SLC25A16: variants seen among roughly 807,000 people sequenced by gnomAD.
SLC25A16 encodes solute carrier family 25 member 16.
A neutral mutation model predicts 41.5 loss-of-function variants in SLC25A16; 39 were observed. The observed-to-expected ratio is 0.94, with a 90% CI of 0.73 to 1.23. SLC25A16 has a LOEUF of 1.23. Ranked by LOEUF, SLC25A16 falls within the 50% of genes most tolerant of loss-of-function variation. The probability of loss-of-function intolerance (pLI) is 0.00; values close to 1 mark genes in which losing one functional copy is unlikely to be tolerated. For synonymous variants in SLC25A16, 146 were observed against 147.8 expected (o/e 0.99, Z 0.09); for missense variants, 421 against 426.9 (o/e 0.99, Z 0.12).
intron 2 of SLC25A16, among the ~76,000 whole-genome samples, chr10:68,513,777 C>G (rs569631298): frequency 1.3e-5 from 2 of 152,194 alleles, no homozygotes; most frequent in African/African-American, 4.8e-5. Flanking sequence ...GTAATCCCAG[C>G]TAGTCAGGAG....
intron 1 of SLC25A16, among the ~76,000 whole-genome samples, chr10:68,526,910 G>C (rs2053346636): frequency 6.6e-6 from 1 of 152,110 alleles, no homozygotes; most frequent in South Asian, 2.1e-4. Flanking sequence ...TTTTATAAAA[G>C]AAAGGAGTGC....
At chr10:68,491,120 C>T (rs779752493) in intron 6 of SLC25A16, among the ~76,000 whole-genome samples, 11 of 152,072 alleles carry the variant, frequency 7.2e-5, no homozygotes, top group Non-Finnish European at 1.3e-4. Context: ...CTCAAGTAAT[C>T]CTCCTGCCTC....
chr10:68,516,138 A>T (rs566210807), intron 2 of SLC25A16, among the ~76,000 whole-genome samples: 30 of 152,328 alleles, frequency 2.0e-4, no homozygotes, highest in Non-Finnish European at 3.8e-4. Context: ...AGTTTAATTT[A>T]CTTAGCAAGG....
In SLC25A16 at chr10:68,488,451, T is replaced by C. The variant is rs201642934; in HGVS notation, c.773+16A>G. 90 of 1,466,156 alleles carry C rather than the reference T, an allele frequency of 6.1e-5. No homozygotes were observed. Among genetic ancestry groups the C allele is most frequent in the Admixed American group, 2.4e-4 (9 of 38,226 alleles). The allele number at this position is 1,466,156 out of a possible 1,614,324, so 90.8% of individuals were successfully genotyped here. ...TAACTATAATTTGATTAAATTAAGT[T>C]AGTGAAGAAACTTACGATATTGTCT... On this transcript the variant is annotated intron_variant, in intron 7 of 8. Transcript: ENST00000609923.
rs527756746 is a variant in SLC25A16 at position 68,507,978 on chromosome 10, C to T, written c.224-1260G>A. 2.0e-5 allele frequency among the ~76,000 whole-genome samples: 3 copies of T among 152,272 alleles called. No homozygotes were observed. In the South Asian group the frequency reaches 6.2e-4, roughly 32 times the overall value. ...TTGCGTGGTGGCTCATGCCTGTAATCCCAGCACTTTGGGAGGACAAGGCAG... is the reference window on the plus strand; with the variant it reads ...TTGCGTGGTGGCTCATGCCTGTAATTCCAGCACTTTGGGAGGACAAGGCAG... On this transcript the variant is annotated intron_variant, in intron 2 of 8. Transcript: ENST00000609923.
chr10:68,497,619 T>A (rs1373733154), intron 4 of SLC25A16, among the ~76,000 whole-genome samples: 5 of 150,330 alleles, frequency 3.3e-5, no homozygotes, highest in Non-Finnish European at 3.0e-5. Context: ...TTTTTTTTTT[T>A]AATTTTTTTT....
chr10:68,485,094 T>C (rs2052536305), intron 8 of SLC25A16, among the ~76,000 whole-genome samples: 2 of 152,180 alleles, frequency 1.3e-5, no homozygotes, highest in Admixed American at 1.3e-4. Context: ...TTTTTTCTTC[T>C]TTTTCTTTTC....
At chr10:68,484,023 T>C (rs559395858) in intron 8 of SLC25A16, among the ~76,000 whole-genome samples, 4 of 152,242 alleles carry the variant, frequency 2.6e-5, no homozygotes, top group Non-Finnish European at 4.4e-5. Flanking sequence ...GAAAGACAAA[T>C]GTTTTAACAA....
rs920785927 is a variant in SLC25A16 at position 68,478,397 on chromosome 10, A to T, written c.*5035T>A. 4 of 152,222 alleles carry T rather than the reference A, an allele frequency of 2.6e-5. No individual in the cohort carries two copies. Among genetic ancestry groups the T allele is most frequent in the Non-Finnish European group, 5.9e-5 (4 of 68,040 alleles). 9.4% of individuals were successfully genotyped at this position (152,222 alleles called of 1,614,324 possible). The stretch of plus-strand genomic sequence containing the variant: ...GTCTGGGTTTCAAAGAATAGATGCG[A>T]GGAACTATGTAAAGTGTATGCTTGC... On this transcript the variant is annotated 3_prime_UTR_variant, in exon 9 of 9. Coordinates refer to ENST00000609923, the MANE Select transcript of SLC25A16 (RefSeq NM_152707.4).
chr10:68,519,477 C>G (rs2053215786), intron 1 of SLC25A16, among the ~76,000 whole-genome samples: 1 of 143,260 alleles, frequency 7.0e-6, no homozygotes, highest in Non-Finnish European at 1.5e-5. Flanking sequence ...CAGAGTGAGA[C>G]TCCATCTCAA....
intron 2 of SLC25A16, among the ~76,000 whole-genome samples, chr10:68,509,144 C>T (rs2053010304): frequency 6.6e-6 from 1 of 151,954 alleles, no homozygotes; most frequent in African/African-American, 2.4e-5. Flanking sequence ...CAAGACCAGC[C>T]TGACCAACAT....
intron 4 of SLC25A16, chr10:68,496,810 T>A: frequency 1.8e-6 from 1 of 554,266 alleles, no homozygotes; most frequent in Non-Finnish European, 2.3e-6. Context: ...CACAAAAGAC[T>A]TTTTTTCCTC....
intron 2 of SLC25A16, among the ~76,000 whole-genome samples, chr10:68,508,006 G>A (rs1443679593): frequency 1.3e-5 from 2 of 152,154 alleles, no homozygotes; most frequent in African/African-American, 2.4e-5. Flanking sequence ...CAAGGCAGGT[G>A]GATCACCTGA....
rs2053349983 is a variant in SLC25A16 at position 68,527,157 on chromosome 10, A to T, written c.130+89T>A. ...AACATTGAAGCAGCCAGAGTCCAGG[A>T]ATGTCATAGAGGCCGCTTGCATCCC... On this transcript the variant is annotated intron_variant, in intron 1 of 8. Transcript: ENST00000609923. 2.2e-6 allele frequency: 3 copies of T among 1,362,500 alleles called. No homozygotes were observed. The Admixed American group carries it at 7.6e-5, about 35-fold the overall frequency. 84.4% of individuals were successfully genotyped at this position (1,362,500 alleles called of 1,614,324 possible).
intron 8 of SLC25A16, 22 bp downstream of exon 8, chr10:68,487,122 C>G: frequency 6.3e-7 from 1 of 1,590,196 alleles, no homozygotes; most frequent in Non-Finnish European, 8.6e-7. Flanking sequence ...AGAAAATGAA[C>G]AATGACATAT....
chr10:68,494,936 G>T (rs1372664940), intron 4 of SLC25A16, among the ~76,000 whole-genome samples: 1 of 151,628 alleles, frequency 6.6e-6, no homozygotes, highest in African/African-American at 2.4e-5. Context: ...AGTTAATGTA[G>T]TGGTTAAATA....
chr10:68,499,800 C>T (rs927316287), intron 4 of SLC25A16: 103 of 441,308 alleles, frequency 2.3e-4, no homozygotes, highest in Non-Finnish European at 3.7e-4. Context: ...TGGGAAAAGG[C>T]TAATGGTACA....
At chr10:68,524,831 C>G (rs1438097754) in intron 1 of SLC25A16, among the ~76,000 whole-genome samples, 1 of 150,186 alleles carries the variant, frequency 6.7e-6, no homozygotes, top group East Asian at 2.0e-4. Flanking sequence ...GAGCAGAGAT[C>G]GTGCCGCTGC....
In SLC25A16 at chr10:68,526,153, G is replaced by C. The variant is rs1481064932; in HGVS notation, c.130+1093C>G. Among the ~76,000 whole-genome samples the C allele has an allele frequency of 2.0e-5, 3 of 151,726 alleles. No homozygotes were observed. The East Asian group carries it at 5.8e-4, about 29-fold the overall frequency. ...ATGCCTCTTGCAGTTGAGACAAGAG[G>C]AAGGCATCTGTCTCCTGCCTGTCCC... On this transcript the variant is annotated intron_variant, in intron 1 of 8. Coordinates refer to ENST00000609923, the MANE Select transcript of SLC25A16 (RefSeq NM_152707.4).
Sources: gnomAD v4.1 joint callset for allele counts (sites outside exome capture counted in the v4.1 genomes callset) on GRCh38, gnomAD v4.1.1 for gene constraint, MANE v1.5 for transcripts, NCBI Gene and HGNC (gene_info 2026-07-23, HGNC 2026-07-21) for gene names.